The following NUP133 variants were observed in gnomAD, a reference collection of about 807,000 sequenced individuals.
NUP133 encodes the protein nuclear pore complex protein Nup133.
NUP133 carries 66 observed loss-of-function variants against 146.2 expected under a neutral mutation model. The observed-to-expected ratio is 0.45, with a 90% confidence interval of 0.37 to 0.55. NUP133 has a LOEUF of 0.55. NUP133 is among the 20% of genes least tolerant of loss of function. NUP133 has a pLI of 0.00. For missense variants in NUP133, 1,277 were observed against 1,374.8 expected (o/e 0.93, Z 1.12); for synonymous variants, 521 against 498.8 (o/e 1.04, Z -0.59).
chr1:229,453,120 G>A (rs1015644193), intron 21 of NUP133, among the ~76,000 whole-genome samples: 2 of 149,870 alleles, frequency 1.3e-5, no homozygotes, highest in Non-Finnish European at 2.9e-5. Context: ...AAAGAGATGG[G>A]GTCTTGCTAT....
At chr1:229,484,902 T>A (rs1661310270) in intron 11 of NUP133, among the ~76,000 whole-genome samples, 1 of 152,172 alleles carries the variant, frequency 6.6e-6, no homozygotes, top group South Asian at 2.1e-4. Flanking sequence ...TAATCCCTTT[T>A]GTGAAAAGAA....
chr1:229,500,550 C>T (rs995571363), intron 4 of NUP133, among the ~76,000 whole-genome samples: 5 of 152,170 alleles, frequency 3.3e-5, no homozygotes, highest in Admixed American at 1.3e-4. Context: ...TCATCAAAGA[C>T]CAAATGGGTG....
intron 2 of NUP133, among the ~76,000 whole-genome samples, chr1:229,505,237 T>C (rs1661903343): frequency 1.3e-5 from 2 of 152,200 alleles, no homozygotes; most frequent in Admixed American, 1.3e-4. Context: ...ATTCTCATTT[T>C]AGTTAATGAC....
intron 1 of NUP133, among the ~76,000 whole-genome samples, chr1:229,507,326 T>G (rs1457283013): frequency 2.0e-5 from 3 of 152,230 alleles, no homozygotes; most frequent in Non-Finnish European, 4.4e-5. Flanking sequence ...GACACAATAC[T>G]TTGTGTTTCC....
rs1474754094 is a variant in NUP133, at chr1:229,490,006, T to C, written c.1143A>G (p.Gln381=). The stretch of plus-strand genomic sequence containing the variant: ...CTTCTACAGTAACTGCATCTGACAT[T>C]TGGCAACCATTATCTTCTATTGTTA... The part of the protein sequence containing the change: ...SLITIEDNGC[Q]MSDAVTVEVT... The change falls in exon 9 of 26, where the codon CAA becomes CAG. Residue 381 remains glutamine (Q), a synonymous_variant. Transcript: ENST00000261396. 3 of 1,611,546 alleles carry C rather than the reference T, an allele frequency of 1.9e-6. No homozygotes were observed. The highest frequency in any genetic ancestry group is 2.5e-6 in the Non-Finnish European group (3 of 1,178,448).
intron 20 of NUP133, among the ~76,000 whole-genome samples, chr1:229,458,856 T>C (rs1009120444): frequency 1.3e-5 from 2 of 151,966 alleles, no homozygotes; most frequent in African/African-American, 4.8e-5. Flanking sequence ...ATTACAGGCA[T>C]GAGCCACAGG....
chr1:229,440,969 G>A lies in NUP133; in HGVS notation c.*935C>T, dbSNP rs1162507609. On this transcript the variant is annotated 3_prime_UTR_variant, in exon 26 of 26. Coordinates refer to ENST00000261396, the MANE Select transcript of NUP133 (RefSeq NM_018230.3). ...GTTAGTGGGCATTCTACTGGGCCAAGCCGCGGACATGCCAGCAACTCCCTG... is the reference window on the plus strand; with the variant it reads ...GTTAGTGGGCATTCTACTGGGCCAAACCGCGGACATGCCAGCAACTCCCTG... The A allele has an allele frequency of 6.3e-6, 1 of 157,646 alleles. No individual in the cohort carries two copies. The highest frequency in any genetic ancestry group is 2.4e-5 in the African/African-American group (1 of 41,556). The allele number at this position is 157,646 out of a possible 1,614,324, so 9.8% of individuals were successfully genotyped here.
chr1:229,463,217 T>C (rs1452393626), intron 19 of NUP133, among the ~76,000 whole-genome samples: 1 of 152,048 alleles, frequency 6.6e-6, no homozygotes, highest in Non-Finnish European at 1.5e-5. Context: ...AGCGAGACTT[T>C]GTCTCTACTG....
intron 15 of NUP133, among the ~76,000 whole-genome samples, chr1:229,468,748 T>C (rs150615805): frequency 2.6e-3 from 390 of 152,310 alleles, no homozygotes; most frequent in African/African-American, 9.0e-3. Context: ...AATTGTCTTA[T>C]CATATAAAAT....
chr1:229,498,389 T>A, intron 5 of NUP133, 83 bp from the exon 6 acceptor site: 1 of 894,812 alleles, frequency 1.1e-6, no homozygotes, highest in Non-Finnish European at 1.7e-6. Flanking sequence ...CAGAGAAAAA[T>A]CATCGTAATT....
intron 1 of NUP133, among the ~76,000 whole-genome samples, chr1:229,506,625 T>C (rs1171698277): frequency 6.6e-6 from 1 of 151,910 alleles, no homozygotes; most frequent in East Asian, 1.9e-4. Context: ...CCACCAGACC[T>C]GGCCGGAGCA....
In NUP133 at chr1:229,506,025, A is replaced by G; in HGVS notation, c.301+15T>C. 3 of 1,451,474 alleles carry G rather than the reference A, an allele frequency of 2.1e-6. No homozygotes were observed. Among genetic ancestry groups the G allele is most frequent in the Non-Finnish European group, 2.9e-6 (3 of 1,032,896 alleles). 89.9% of individuals were successfully genotyped at this position (1,451,474 alleles called of 1,614,324 possible). On this transcript the variant is annotated intron_variant, in intron 2 of 25. Coordinates refer to ENST00000261396, the MANE Select transcript of NUP133 (RefSeq NM_018230.3). The stretch of plus-strand genomic sequence containing the variant: ...TTAAACTGCTAATATAGGTAAATGG[A>G]AAGATGACACCTACCTTCAGCCAAT...
At chr1:229,481,871 C>T (rs1258373032) in intron 12 of NUP133, among the ~76,000 whole-genome samples, 1 of 152,188 alleles carries the variant, frequency 6.6e-6, no homozygotes, top group East Asian at 1.9e-4. Context: ...TCATGCCTCG[C>T]TCTCAGACTT....
In NUP133 at chr1:229,449,873, A is replaced by ATATATAT. The variant is rs1261799272; in HGVS notation, c.3180+651_3180+652insATATATA. On this transcript the variant is annotated intron_variant, in intron 23 of 25. Coordinates refer to ENST00000261396, the MANE Select transcript of NUP133 (RefSeq NM_018230.3). Reference sequence around the variant, plus strand: ...ATTTTATATATATATATATATATATATTTTTTTTTTTTTTTTTTTTTTTTT... The same window carrying ATATATAT: ...ATTTTATATATATATATATATATATATATATATTTTTTTTTTTTTTTTTTTTTTTTTT... Among the ~76,000 whole-genome samples, 3 of 85,798 alleles carry ATATATAT rather than the reference A, an allele frequency of 3.5e-5. 1 individual carries two copies. Among genetic ancestry groups the ATATATAT allele is most frequent in the African/African-American group, 1.5e-4 (3 of 19,426 alleles). The allele number at this position is 85,798 out of a possible 152,430, so 56.3% of individuals were successfully genotyped here. A position where few individuals can be genotyped will look rare whatever the true frequency, so the allele number is the denominator to read the frequency against.
At chr1:229,474,986 T>C (rs1661042743) in intron 14 of NUP133, among the ~76,000 whole-genome samples, 1 of 151,950 alleles carries the variant, frequency 6.6e-6, no homozygotes, top group Admixed American at 6.6e-5. Flanking sequence ...AAACCTGTAG[T>C]CCCAGCTACC....
chr1:229,483,995 T>C (rs1024821471), intron 12 of NUP133, 59 bp downstream of exon 12: 2 of 1,194,484 alleles, frequency 1.7e-6, no homozygotes, highest in African/African-American at 1.5e-5. Flanking sequence ...AAGTAGCACA[T>C]GTCAGTAAAA....
At chr1:229,466,344 C>T (rs1183908808) in intron 16 of NUP133, among the ~76,000 whole-genome samples, 1 of 151,234 alleles carries the variant, frequency 6.6e-6, no homozygotes, top group Non-Finnish European at 1.5e-5. Flanking sequence ...GAAAAAAAAC[C>T]AACTAAAAAA....
intron 2 of NUP133, among the ~76,000 whole-genome samples, chr1:229,504,821 C>T (rs562276660): frequency 6.6e-6 from 1 of 152,232 alleles, no homozygotes; most frequent in South Asian, 2.1e-4. Context: ...TGAACAATTC[C>T]TAAGTTGTAA....
chr1:229,440,482 A>T lies in NUP133; in HGVS notation c.*1422T>A, dbSNP rs2102741313. Reference sequence around the variant, plus strand: ...GGGCTTTCCTGCGGTACTGTCCCATACACCAGGGATCACCAGGTTTGCAGC... The same window carrying T: ...GGGCTTTCCTGCGGTACTGTCCCATTCACCAGGGATCACCAGGTTTGCAGC... On this transcript the variant is annotated 3_prime_UTR_variant, in exon 26 of 26. Transcript: ENST00000261396. 1 of 152,394 alleles carries T rather than the reference A, an allele frequency of 6.6e-6. No individual in the cohort carries two copies. Among genetic ancestry groups the T allele is most frequent in the South Asian group, 2.1e-4 (1 of 4,832 alleles). The allele number at this position is 152,394 out of a possible 1,614,324, so 9.4% of individuals were successfully genotyped here.
Sources: allele counts gnomAD v4.1 joint callset (sites outside exome capture counted in the v4.1 genomes callset), GRCh38; gene constraint gnomAD v4.1.1; transcripts MANE v1.5; gene names NCBI Gene and HGNC (gene_info 2026-07-23, HGNC 2026-07-21).